The following FAM124B variants were observed in gnomAD, a reference collection of about 807,000 sequenced individuals.
FAM124B encodes the protein family with sequence similarity 124 member B.
A neutral mutation model predicts 19.7 loss-of-function variants in FAM124B; 18 were observed. The observed-to-expected ratio is 0.92, with a 90% CI of 0.63 to 1.36. The LOEUF is 1.36. Ranked by LOEUF, FAM124B falls within the 40% of genes most tolerant of loss-of-function variation. The pLI, the probability that FAM124B is intolerant of heterozygous loss-of-function variation, is 0.00. For synonymous variants in FAM124B, 223 were observed against 225.2 expected (o/e 0.99, Z 0.09); for missense variants, 540 against 553.3 (o/e 0.98, Z 0.24).
At position 224,387,077 on chromosome 2, in the gene FAM124B, G is replaced by T. The variant is rs113693019; in HGVS notation, c.733-6869C>A. On this transcript the variant is annotated intron_variant, in intron 1 of 1. Transcript: ENST00000409685. ...TGCAGATGTTTGGCATTGGAATGAA[G>T]AATTTCCAGGAGAAACATAATGCTG... is the stretch of plus-strand genomic sequence containing the variant. Among the ~76,000 whole-genome samples, 396 of 152,306 alleles carry T rather than the reference G, an allele frequency of 2.6e-3. 5 individuals are homozygous for T. Among genetic ancestry groups the T allele is most frequent in the African/African-American group, 9.1e-3 (380 of 41,556 alleles).
intron 1 of FAM124B, among the ~76,000 whole-genome samples, chr2:224,383,260 A>G (rs762259152): frequency 6.6e-6 from 1 of 152,150 alleles, no homozygotes; most frequent in Non-Finnish European, 1.5e-5. Flanking sequence ...AAGTTTCGGA[A>G]CTACTGCCAT....
At chr2:224,388,687 G>A (rs990015331) in intron 1 of FAM124B, among the ~76,000 whole-genome samples, 3 of 152,166 alleles carry the variant, frequency 2.0e-5, no homozygotes, top group South Asian at 2.1e-4. Context: ...CCACTGAATC[G>A]TACCCTCGAA....
chr2:224,389,652 T>C (rs1689849704), intron 1 of FAM124B, among the ~76,000 whole-genome samples: 2 of 152,226 alleles, frequency 1.3e-5, no homozygotes, highest in Admixed American at 6.5e-5. Context: ...CTGCAGATGA[T>C]GACTTGGTTT....
In FAM124B at chr2:224,401,452, A is replaced by C; in HGVS notation, c.317T>G (p.Leu106Arg). Reference protein sequence around the residue: ...CYPTQDTRGRLCPYFFANQEF... With the variant: ...CYPTQDTRGRRCPYFFANQEF... ...CTGATTGGCAAAAAAGTAGGGACACAGCCTTCCCCGAGTGTCCTGGGTGGG... is the reference window on the plus strand; with the variant it reads ...CTGATTGGCAAAAAAGTAGGGACACCGCCTTCCCCGAGTGTCCTGGGTGGG... The change falls in exon 1 of 2, where the codon CTG becomes CGG. Residue 106 changes from leucine to arginine, a missense_variant. Transcript: ENST00000409685. 1 of 1,614,082 alleles carries C rather than the reference A, an allele frequency of 6.2e-7. No homozygotes were observed. Among genetic ancestry groups the C allele is most frequent in the South Asian group, 1.1e-5 (1 of 91,078 alleles).
chr2:224,390,114 TACACACACACACACACACACAC>T (rs59825011), intron 1 of FAM124B, among the ~76,000 whole-genome samples: 7 of 131,796 alleles, frequency 5.3e-5, no homozygotes, highest in South Asian at 2.6e-4. Context: ...GTCTTTGAAA[TACACACACACACACACACACAC>T]ACACACACAC....
At chr2:224,396,974 A>G (rs534698510) in intron 1 of FAM124B, among the ~76,000 whole-genome samples, 1 of 152,354 alleles carries the variant, frequency 6.6e-6, no homozygotes, top group African/African-American at 2.4e-5. Context: ...TACAGAAGCC[A>G]GACTCGCTAC....
intron 1 of FAM124B, among the ~76,000 whole-genome samples, chr2:224,388,072 C>T (rs1689827027): frequency 6.6e-6 from 1 of 152,006 alleles, no homozygotes; most frequent in African/African-American, 2.4e-5. Flanking sequence ...AGCTATCTGC[C>T]AAGTACTCAA....
At chr2:224,390,206 G>T (rs1393999049) in intron 1 of FAM124B, among the ~76,000 whole-genome samples, 1 of 150,566 alleles carries the variant, frequency 6.6e-6, no homozygotes, top group African/African-American at 2.5e-5. Context: ...AAAAGAACTG[G>T]GTTATGACGG....
Position 224,379,730 on chromosome 2 carries a change from G to T in FAM124B, c.1211C>A (p.Thr404Asn). ...CLPASSLGVATSKNNSVLKER... is the reference protein window; with the variant it reads ...CLPASSLGVANSKNNSVLKER... ...CTTAAGGACACTGTTGTTTTTGGAG[G>T]TAGCCACCCCCAAGGAAGAGGCTGG... The change falls in exon 2 of 2, where the codon ACC becomes AAC. Residue 404 changes from threonine to asparagine, a missense_variant. Transcript: ENST00000409685. 6.4e-7 allele frequency: 1 copy of T among 1,551,612 alleles called. No homozygotes were observed. The highest frequency in any genetic ancestry group is 8.7e-7 in the Non-Finnish European group (1 of 1,146,984).
rs1454703105 is a variant in FAM124B, at chr2:224,401,272, A to G, written c.497T>C (p.Leu166Ser). The G allele has an allele frequency of 6.2e-7, 1 of 1,614,034 alleles. No homozygotes were observed. The highest frequency in any genetic ancestry group is 8.5e-7 in the Non-Finnish European group (1 of 1,180,006). The change falls in exon 1 of 2, where the codon TTG becomes TCG. Residue 166 changes from leucine (L) to serine (S), a missense_variant. By Grantham distance (145) the Leu-to-Ser change is moderately radical (BLOSUM62 -2). Transcript: ENST00000409685. ...GAAGAAACAAAAATTGCTCTTTTGC[A>G]AGGTCGCTTCTCTCTGCAGGATCAT... is the stretch of plus-strand genomic sequence containing the variant. ...YEMILQREAT[L>S]QKSNFCFFVL...
chr2:224,383,740 G>C (rs1055874402), intron 1 of FAM124B, among the ~76,000 whole-genome samples: 1 of 152,126 alleles, frequency 6.6e-6, no homozygotes, highest in African/African-American at 2.4e-5. Flanking sequence ...TTCCCCTGGA[G>C]AACAAACTCC....
chr2:224,397,824 G>A (rs1477973756), intron 1 of FAM124B, among the ~76,000 whole-genome samples: 1 of 152,196 alleles, frequency 6.6e-6, no homozygotes, highest in Non-Finnish European at 1.5e-5. Context: ...TTTTTAAGCA[G>A]CAAAGCATTC....
chr2:224,389,854 G>A (rs143066498), intron 1 of FAM124B, among the ~76,000 whole-genome samples: 24 of 152,250 alleles, frequency 1.6e-4, no homozygotes, highest in East Asian at 1.5e-3. Context: ...GTGCAGGGCA[G>A]TGGTCCTCAT....
At chr2:224,398,958 C>G (rs1690019182) in intron 1 of FAM124B, among the ~76,000 whole-genome samples, 1 of 152,222 alleles carries the variant, frequency 6.6e-6, no homozygotes, top group African/African-American at 2.4e-5. Flanking sequence ...GCCTGAGCAA[C>G]AGAGAGAGAC....
Position 224,396,385 on chromosome 2 carries a change from T to C in FAM124B, c.732+4652A>G, listed in dbSNP as rs563231451. ...CACCCAGCTCACGCAGATCTGGGCA[T>C]TGCTACTCAGGAAAGCTTTCTCACT... On this transcript the variant is annotated intron_variant, in intron 1 of 1. Coordinates refer to ENST00000409685, the MANE Select transcript of FAM124B (RefSeq NM_001122779.2). Among the ~76,000 whole-genome samples, 6 of 152,310 alleles carry C rather than the reference T, an allele frequency of 3.9e-5. No homozygotes were observed. In the South Asian group the frequency reaches 1.2e-3, roughly 32 times the overall value.
intron 1 of FAM124B, among the ~76,000 whole-genome samples, chr2:224,384,269 T>A (rs1306068710): frequency 6.6e-6 from 1 of 152,136 alleles, no homozygotes; most frequent in African/African-American, 2.4e-5. Flanking sequence ...CAATTCCCCA[T>A]CACATCTGCT....
chr2:224,392,802 A>G (rs1298426436), intron 1 of FAM124B, among the ~76,000 whole-genome samples: 1 of 146,166 alleles, frequency 6.8e-6, no homozygotes, highest in South Asian at 2.2e-4. Context: ...TTTGTCACCA[A>G]CGAGGCTATA....
chr2:224,387,384 A>C lies in FAM124B; in HGVS notation c.733-7176T>G, dbSNP rs566481771. Among the ~76,000 whole-genome samples, 124 of 152,328 alleles carry C rather than the reference A, an allele frequency of 8.1e-4. 2 individuals are homozygous for C. Among genetic ancestry groups the C allele is most frequent in the African/African-American group, 2.8e-3 (116 of 41,572 alleles). On this transcript the variant is annotated intron_variant, in intron 1 of 1. Transcript: ENST00000409685. ...GTTAAGGGGCAGACTAGTATCATGAAGGGAAAATAATGTTTCTCTCTGTAA... is the reference window on the plus strand; with the variant it reads ...GTTAAGGGGCAGACTAGTATCATGACGGGAAAATAATGTTTCTCTCTGTAA...
intron 1 of FAM124B, among the ~76,000 whole-genome samples, chr2:224,389,506 T>G (rs1443736344): frequency 6.6e-6 from 1 of 152,050 alleles, no homozygotes; most frequent in African/African-American, 2.4e-5. Context: ...CAAGGAAAAT[T>G]AGAACAGCTG....
Sources: gnomAD v4.1 joint callset for allele counts (sites outside exome capture counted in the v4.1 genomes callset) on GRCh38, gnomAD v4.1.1 for gene constraint, MANE v1.5 for transcripts, NCBI Gene and HGNC (gene_info 2026-07-23, HGNC 2026-07-21) for gene names.